Variants in PLA2G4B observed in about 807,000 individuals in gnomAD.
PLA2G4B encodes phospholipase A2 group IVB, also known as cytosolic phospholipase A2 beta.
PLA2G4B carries 122 observed loss-of-function variants against 95.8 expected under a neutral mutation model. That is an observed-to-expected ratio of 1.27 (90% CI 1.10 to 1.48). The LOEUF (loss-of-function observed/expected upper bound fraction) is 1.48. Among genes scored for constraint, PLA2G4B ranks in the 40% most tolerant of loss-of-function variants. The pLI, the probability that PLA2G4B is intolerant of heterozygous loss-of-function variation, is 0.00. For missense variants in PLA2G4B, 1,158 were observed against 996.2 expected (o/e 1.16, Z -2.19); for synonymous variants, 518 against 421.5 (o/e 1.23, Z -2.80).
At position 41,845,618 on chromosome 15, in the gene PLA2G4B, G is replaced by A. The variant is rs1595424161; in HGVS notation, c.1358-20G>A. ...CCTAAGGGCTCTGCACCATGAGGCT[G>A]AGGCGTGGACTCCTCACAGAGTGGT... On this transcript the variant is annotated intron_variant, in intron 14 of 19. Transcript: ENST00000458483. 1 of 1,613,958 alleles carries A rather than the reference G, an allele frequency of 6.2e-7. No individual in the cohort carries two copies. Among genetic ancestry groups the A allele is most frequent in the Non-Finnish European group, 8.5e-7 (1 of 1,179,946 alleles).
At chr15:41,844,783 G>C (rs967072266) in intron 12 of PLA2G4B, 65 bp from the exon 13 acceptor site, 1 of 1,540,982 alleles carries the variant, frequency 6.5e-7, no homozygotes, top group South Asian at 1.2e-5. Context: ...AAAGCCCGGG[G>C]CACGTGGGGT....
chr15:41,846,470 C>T (rs1444345133), intron 17 of PLA2G4B, 88 bp downstream of exon 17: 85 of 1,531,478 alleles, frequency 5.6e-5, no homozygotes, highest in Non-Finnish European at 6.6e-5. Flanking sequence ...TCCCATTCTC[C>T]TGCTTTGAGC....
At position 41,845,953 on chromosome 15, in the gene PLA2G4B, C is replaced by G. The variant is rs199608171; in HGVS notation, c.1506C>G (p.Ser502Arg). The change falls in exon 16 of 20, where the codon AGC (serine) becomes AGG (arginine). Residue 502 changes from serine (S) to arginine (R), a missense_variant. Ser to Arg is a moderately radical substitution (Grantham distance 110). Coordinates refer to ENST00000458483, the MANE Select transcript of PLA2G4B (RefSeq NM_001114633.2). ...CGGCCGCTCTTTCAGGTATCTGGAG[C>G]AACCTGTATGCAGCCAACCTCCAGG... ...SRICFLEGIW[S>R]NLYAANLQDS... 5.3e-6 allele frequency: 8 copies of G among 1,515,170 alleles called. No individual in the cohort carries two copies. Among genetic ancestry groups the G allele is most frequent in the Middle Eastern group, 1.8e-4 (1 of 5,522 alleles). 93.9% of individuals were successfully genotyped at this position (1,515,170 alleles called of 1,614,324 possible).
At chr15:41,840,442 G>A (rs778890684) in intron 2 of PLA2G4B, 82 bp from the exon 3 acceptor site, 9 of 1,607,092 alleles carry the variant, frequency 5.6e-6, no homozygotes, top group East Asian at 2.2e-5. Flanking sequence ...ACCCACATGG[G>A]GCTCTAGGTG....
Position 41,847,480 on chromosome 15 carries a change from C to CT in PLA2G4B, c.2094dup (p.Pro699SerfsTer101). 1 of 1,611,980 alleles carries CT rather than the reference C, an allele frequency of 6.2e-7. No homozygotes were observed. Among genetic ancestry groups the CT allele is most frequent in the Non-Finnish European group, 8.5e-7 (1 of 1,178,718 alleles). On this transcript the variant is annotated frameshift_variant, in exon 19 of 20. Transcript: ENST00000458483. LOFTEE classifies it low-confidence loss of function (END_TRUNC). ...GCCCCGGAGCCCCTGCGGTGCTGCA[C>CT]TTTCCTCTGGTCAGCGACTCCTTCC...
rs1045671130 is a variant in PLA2G4B at position 41,847,829 on chromosome 15, T to G, written c.2315T>G (p.Val772Gly). 3 of 1,613,124 alleles carry G rather than the reference T, an allele frequency of 1.9e-6. No individual in the cohort carries two copies. Among genetic ancestry groups the G allele is most frequent in the Admixed American group, 3.3e-5 (2 of 60,026 alleles). Residue 772 changes from valine (V) to glycine (G), a missense_variant, in exon 20 of 20, where the codon GTG becomes GGG. By Grantham distance (109) the Val-to-Gly change is moderately radical. Transcript: ENST00000458483. Reference protein sequence around the residue: ...EQLLEALRQAVQRRRQRRPH With the variant: ...EQLLEALRQAGQRRRQRRPH Reference sequence around the variant, plus strand: ...CTGCTGGAGGCTCTGCGCCAGGCAGTGCAGCGGAGGCGGCAGCGCAGGCCC... The same window carrying G: ...CTGCTGGAGGCTCTGCGCCAGGCAGGGCAGCGGAGGCGGCAGCGCAGGCCC...
At chr15:41,844,666 T>G in intron 12 of PLA2G4B, 59 bp downstream of exon 12, 1 of 1,611,046 alleles carries the variant, frequency 6.2e-7, no homozygotes, top group Non-Finnish European at 8.5e-7. Context: ...GGTGCCAGGG[T>G]TCTCCTAGGC....
intron 17 of PLA2G4B, 109 bp from the exon 18 acceptor site, chr15:41,846,560 G>A (rs2065551140): frequency 2.0e-6 from 3 of 1,513,842 alleles, no homozygotes; most frequent in Non-Finnish European, 2.7e-6. Context: ...GGGCTGTGGG[G>A]GTGTTGGTTC....
intron 17 of PLA2G4B, 53 bp from the exon 18 acceptor site, chr15:41,846,616 G>T: frequency 7.7e-6 from 12 of 1,552,936 alleles, no homozygotes; most frequent in Non-Finnish European, 9.6e-6. Context: ...CTTCCAGCAG[G>T]AATCTGGTAC....
At chr15:41,844,689 TAGA>T (rs1230947907) in intron 12 of PLA2G4B, 82 bp downstream of exon 12, 3 of 1,604,614 alleles carry the variant, frequency 1.9e-6, no homozygotes, top group Non-Finnish European at 2.6e-6. Context: ...CTGAGAAAAC[TAGA>T]AGGGCTGGGA....
chr15:41,840,424 C>T, intron 2 of PLA2G4B, 100 bp from the exon 3 acceptor site: 1 of 1,600,556 alleles, frequency 6.2e-7, no homozygotes, highest in Non-Finnish European at 8.5e-7. Context: ...CCCTCCCCCT[C>T]AGTCTTAACC....
chr15:41,846,174 TCCCCATTTCC>T lies in PLA2G4B; in HGVS notation c.1601-25_1601-16del, dbSNP rs1322506860. ...CAAGGTGGGGATAAAGGTGCAGGAG[TCCCCATTTCC>T]CCCACCTTGCCTGTGTAGACAAGGA... On this transcript the variant is annotated intron_variant, in intron 16 of 19. Coordinates refer to ENST00000458483, the MANE Select transcript of PLA2G4B (RefSeq NM_001114633.2). 1 of 1,601,030 alleles carries T rather than the reference TCCCCATTTCC, an allele frequency of 6.2e-7. No homozygotes were observed. The highest frequency in any genetic ancestry group is 8.5e-7 in the Non-Finnish European group (1 of 1,169,728).
At chr15:41,842,665 G>T in intron 10 of PLA2G4B, 74 bp downstream of exon 10, 1 of 1,572,960 alleles carries the variant, frequency 6.4e-7, no homozygotes, top group Non-Finnish European at 8.6e-7. Context: ...AGGCCTGGAG[G>T]AGTGAGGGGG....
chr15:41,840,191 C>A lies in PLA2G4B; in HGVS notation c.43C>A (p.Arg15Ser), dbSNP rs750424910. The A allele has an allele frequency of 6.2e-7, 1 of 1,613,278 alleles. No individual in the cohort carries two copies. Among genetic ancestry groups the A allele is most frequent in the Non-Finnish European group, 8.5e-7 (1 of 1,180,002 alleles). The change falls in exon 2 of 20, where the codon CGT (arginine) becomes AGT (serine). Residue 15 changes from arginine to serine, a missense_variant. Physicochemically the swap from Arg to Ser is moderately radical, Grantham distance 110. Transcript: ENST00000458483. ...GTCCAGGACCTGCCTGCTCACGGTTCGTGTCCTGCAGGCCCATCGCCTACC... is the reference window on the plus strand; with the variant it reads ...GTCCAGGACCTGCCTGCTCACGGTTAGTGTCCTGCAGGCCCATCGCCTACC... ...EVSRTCLLTV[R>S]VLQAHRLPSK...
chr15:41,841,379 A>G (rs2065429697), intron 6 of PLA2G4B, 106 bp downstream of exon 6: 14 of 1,608,520 alleles, frequency 8.7e-6, no homozygotes. Flanking sequence ...GGACCCTGGG[A>G]TTTCAGTTTG....
chr15:41,840,862 G>C lies in PLA2G4B; in HGVS notation c.308G>C (p.Arg103Pro), dbSNP rs201328054. The part of the protein sequence containing the change: ...LSVLFDAGTL[R>P]AGEFRRESFS... ...GTACTGTTTGATGCGGGGACTCTGC[G>C]GGCTGGGGAGTTCCGGCGCGAGAGC... Residue 103 changes from arginine to proline, a missense_variant, in exon 4 of 20, where the codon CGG (arginine) becomes CCG (proline). Transcript: ENST00000458483. The C allele has an allele frequency of 1.9e-5, 30 of 1,613,762 alleles. 1 individual carries two copies. The South Asian group carries it at 3.2e-4, about 17-fold the overall frequency.
Position 41,847,821 on chromosome 15 carries a change from CCAGGCAGTGCAGCGGAG to C in PLA2G4B, c.2308_2324del (p.Gln770AlafsTer24), listed in dbSNP as rs780190438. 6.2e-7 allele frequency: 1 copy of C among 1,608,204 alleles called. No homozygotes were observed. ...AGGAGCAGCTGCTGGAGGCTCTGCGCCAGGCAGTGCAGCGGAGGCGGCAGCGCAGGCCCCACTGATGG... is the reference window on the plus strand; with the variant it reads ...AGGAGCAGCTGCTGGAGGCTCTGCGCGCGGCAGCGCAGGCCCCACTGATGG... On this transcript the variant is annotated frameshift_variant, in exon 20 of 20. Transcript: ENST00000458483. LOFTEE classifies it high-confidence loss of function.
intron 7 of PLA2G4B, 31 bp from the exon 8 acceptor site, chr15:41,841,788 C>T (rs1455880122): frequency 6.2e-7 from 1 of 1,609,182 alleles, no homozygotes; most frequent in Non-Finnish European, 8.5e-7. Context: ...GATACCGTCC[C>T]CAGCCTCTCT....
At chr15:41,841,613 C>G (rs1201729298) in intron 7 of PLA2G4B, 42 bp downstream of exon 7, 1 of 1,613,352 alleles carries the variant, frequency 6.2e-7, no homozygotes, top group East Asian at 2.2e-5. Flanking sequence ...GCTCTCAGCT[C>G]TTGTCTTCCC....
Sources: allele counts gnomAD v4.1 joint callset, GRCh38; gene constraint gnomAD v4.1.1; transcripts MANE v1.5; gene names NCBI Gene and HGNC (gene_info 2026-07-23, HGNC 2026-07-21).